MACROD2: variants seen among roughly 807,000 people sequenced by gnomAD.
The protein encoded by MACROD2 is mono-ADP ribosylhydrolase 2.
MACROD2 carries 36 observed loss-of-function variants against 70.4 expected under a neutral mutation model. The ratio of observed to expected loss-of-function variants is 0.51; its 90% CI spans 0.39 to 0.68. The LOEUF is 0.68. MACROD2 is among the 30% of genes least tolerant of loss of function. The pLI is 0.00. For missense variants in MACROD2, 496 were observed against 538.4 expected (o/e 0.92, Z 0.78); for synonymous variants, 172 against 178.8 (o/e 0.96, Z 0.30).
intron 5 of MACROD2, among the ~76,000 whole-genome samples, chr20:14,946,495 GAT>G (rs1489239097): frequency 6.6e-6 from 1 of 152,058 alleles, no homozygotes; most frequent in East Asian, 1.9e-4. Context: ...AGTAAATATA[GAT>G]ATATATGAGC....
At chr20:14,593,567 C>T (rs1226389485) in intron 4 of MACROD2, among the ~76,000 whole-genome samples, 4 of 151,970 alleles carry the variant, frequency 2.6e-5, no homozygotes, top group Admixed American at 2.0e-4. Context: ...GTTTTATTTC[C>T]TTTTGGCTGA....
intron 5 of MACROD2, among the ~76,000 whole-genome samples, chr20:14,929,843 C>A (rs958848378): frequency 1.3e-5 from 2 of 152,130 alleles, no homozygotes; most frequent in African/African-American, 4.8e-5. Context: ...CAGAAAAATT[C>A]TCCTGTCACC....
intron 6 of MACROD2, among the ~76,000 whole-genome samples, chr20:15,398,180 T>A (rs747476034): frequency 5.3e-5 from 8 of 152,248 alleles, no homozygotes; most frequent in Non-Finnish European, 1.0e-4. Flanking sequence ...GCCATCATTT[T>A]TATTTACTGA....
At chr20:15,245,657 A>G (rs1311053679) in intron 6 of MACROD2, among the ~76,000 whole-genome samples, 3 of 152,228 alleles carry the variant, frequency 2.0e-5, no homozygotes, top group Admixed American at 2.0e-4. Flanking sequence ...CTCTCAGTAC[A>G]GTATTCAATA....
intron 8 of MACROD2, among the ~76,000 whole-genome samples, chr20:15,580,745 C>A (rs1004170234): frequency 6.6e-6 from 1 of 152,080 alleles, no homozygotes; most frequent in Non-Finnish European, 1.5e-5. Flanking sequence ...CTGGGGAGAA[C>A]CAGAGTGATT....
intron 3 of MACROD2, among the ~76,000 whole-genome samples, chr20:14,387,816 C>G (rs1166370206): frequency 6.6e-6 from 1 of 152,214 alleles, no homozygotes; most frequent in Non-Finnish European, 1.5e-5. Flanking sequence ...GCAAGTGTCT[C>G]ACCAGACTTC....
chr20:15,411,412 A>G (rs934371037), intron 6 of MACROD2, among the ~76,000 whole-genome samples: 1 of 152,170 alleles, frequency 6.6e-6, no homozygotes, highest in Non-Finnish European at 1.5e-5. Flanking sequence ...AAAAAATTAG[A>G]TGTTGAAAGT....
intron 5 of MACROD2, among the ~76,000 whole-genome samples, chr20:14,706,436 T>A (rs979286507): frequency 6.6e-6 from 1 of 152,218 alleles, no homozygotes; most frequent in Non-Finnish European, 1.5e-5. Context: ...CTTCACACTC[T>A]GTGAGATGAG....
At chr20:15,065,379 G>A (rs2075565116) in intron 5 of MACROD2, among the ~76,000 whole-genome samples, 1 of 152,168 alleles carries the variant, frequency 6.6e-6, no homozygotes. Flanking sequence ...AAGTAGGCAG[G>A]GCGCGGTGGC....
At chr20:14,734,839 C>T (rs2015032840) in intron 5 of MACROD2, among the ~76,000 whole-genome samples, 2 of 152,100 alleles carry the variant, frequency 1.3e-5, no homozygotes, top group Admixed American at 1.3e-4. Flanking sequence ...ATCCATGCAT[C>T]TATGGGCCAC....
intron 5 of MACROD2, among the ~76,000 whole-genome samples, chr20:14,840,147 C>T (rs1002715844): frequency 6.6e-6 from 1 of 151,644 alleles, no homozygotes; most frequent in Non-Finnish European, 1.5e-5. Context: ...AAGCAATTCT[C>T]CTGCCTCAGC....
intron 8 of MACROD2, among the ~76,000 whole-genome samples, chr20:15,547,095 A>G (rs2048035319): frequency 6.6e-6 from 1 of 152,202 alleles, no homozygotes; most frequent in South Asian, 2.1e-4. Context: ...AGCAATTGAT[A>G]TCAAAGTCTC....
chr20:14,613,501 A>G (rs1305556129), intron 4 of MACROD2, among the ~76,000 whole-genome samples: 3 of 152,080 alleles, frequency 2.0e-5, no homozygotes, highest in African/African-American at 7.2e-5. Context: ...GGAGGAAGAA[A>G]GAAGGGTAAG....
intron 5 of MACROD2, among the ~76,000 whole-genome samples, chr20:14,711,929 GCTT>G (rs1340604795): frequency 6.6e-6 from 1 of 152,090 alleles, no homozygotes; most frequent in Non-Finnish European, 1.5e-5. Context: ...CTGTTAGTCA[GCTT>G]CTTAAGTGCT....
intron 7 of MACROD2, among the ~76,000 whole-genome samples, chr20:15,475,466 A>G (rs77316220): frequency 0.051 from 7,702 of 152,340 alleles, 302 homozygotes; most frequent in Non-Finnish European, 0.071. Context: ...TGGCAACTGC[A>G]TGAGAGTATC....
At chr20:14,909,342 T>G (rs2073998132) in intron 5 of MACROD2, among the ~76,000 whole-genome samples, 1 of 152,090 alleles carries the variant, frequency 6.6e-6, no homozygotes, top group African/African-American at 2.4e-5. Context: ...CGGTAAATTT[T>G]AAGAAACCAT....
At chr20:15,541,831 A>G (rs2047960391) in intron 8 of MACROD2, among the ~76,000 whole-genome samples, 1 of 152,224 alleles carries the variant, frequency 6.6e-6, no homozygotes, top group African/African-American at 2.4e-5. Context: ...AAGAATCTCA[A>G]TAGCCCATAA....
intron 6 of MACROD2, among the ~76,000 whole-genome samples, chr20:15,322,873 C>G (rs191649045): frequency 7.0e-6 from 1 of 143,570 alleles, no homozygotes; most frequent in African/African-American, 2.5e-5. Context: ...TCCATGAATC[C>G]ATATTTGGAA....
chr20:15,228,892 T>C (rs2076935425), intron 5 of MACROD2, among the ~76,000 whole-genome samples: 1 of 152,224 alleles, frequency 6.6e-6, no homozygotes, highest in Non-Finnish European at 1.5e-5. Flanking sequence ...TCTGTCATTC[T>C]TGTTGGAATT....
Sources: allele counts gnomAD v4.1 joint callset (sites outside exome capture counted in the v4.1 genomes callset), GRCh38; gene constraint gnomAD v4.1.1; transcripts MANE v1.5; gene names NCBI Gene and HGNC (gene_info 2026-07-23, HGNC 2026-07-21).